SDK1: variants seen among roughly 807,000 people sequenced by gnomAD.
SDK1 encodes sidekick cell adhesion molecule 1, also known as protein sidekick-1.
SDK1 carries 157 observed loss-of-function variants against 245.5 expected under a neutral mutation model. That is an observed-to-expected ratio of 0.64 (90% CI 0.56 to 0.73). SDK1 has a LOEUF of 0.73. SDK1 is among the 30% of genes least tolerant of loss of function. SDK1 has a pLI of 0.00. For synonymous variants in SDK1, 1,647 were observed against 1,278.5 expected, an observed-to-expected ratio of 1.29 and a Z score of -6.15; for missense variants, 3,583 against 3,002.3, an observed-to-expected ratio of 1.19 and a Z score of -4.52.
At chr7:3,461,881 C>T (rs1764036596) in intron 1 of SDK1, among the ~76,000 whole-genome samples, 1 of 152,114 alleles carries the variant, frequency 6.6e-6, no homozygotes. Flanking sequence ...CATGTACTAT[C>T]AATTTATCTT....
chr7:3,352,560 G>C lies in SDK1; in HGVS notation c.298+50676G>C, dbSNP rs188281544. ...TGTGCCTGTAGTTACGTGTTCTTTG[G>C]CCAGACACCTAAGGAAATTTGAGGC... On this transcript the variant is annotated intron_variant, in intron 1 of 44. Coordinates refer to ENST00000404826, the MANE Select transcript of SDK1 (RefSeq NM_152744.4). Among the ~76,000 whole-genome samples the C allele has an allele frequency of 1.1e-3, 165 of 152,180 alleles. 2 individuals carry two copies. The highest frequency in any genetic ancestry group is 3.8e-3 in the African/African-American group (157 of 41,530).
intron 28 of SDK1, among the ~76,000 whole-genome samples, chr7:4,138,801 A>T (rs1287964008): frequency 6.6e-6 from 1 of 152,074 alleles, no homozygotes; most frequent in African/African-American, 2.4e-5. Context: ...AAGGAAAAGA[A>T]AAGAAAAGAA....
At chr7:3,613,681 A>C (rs1188234983) in intron 1 of SDK1, among the ~76,000 whole-genome samples, 1 of 152,222 alleles carries the variant, frequency 6.6e-6, no homozygotes, top group Non-Finnish European at 1.5e-5. Flanking sequence ...TTATAGAGAC[A>C]CAAAGACACA....
chr7:4,195,831 C>T (rs953291448), intron 35 of SDK1, among the ~76,000 whole-genome samples: 4 of 152,128 alleles, frequency 2.6e-5, no homozygotes, highest in East Asian at 3.9e-4. Context: ...CCCAGCCTCT[C>T]GGCAGCAGCA....
intron 3 of SDK1, among the ~76,000 whole-genome samples, chr7:3,639,870 G>A (rs1782596096): frequency 6.6e-6 from 1 of 151,814 alleles, no homozygotes; most frequent in Non-Finnish European, 1.5e-5. Flanking sequence ...ATATGTTTGA[G>A]ATAGGGTCTA....
At chr7:3,343,213 C>T (rs1583710701) in intron 1 of SDK1, among the ~76,000 whole-genome samples, 1 of 152,234 alleles carries the variant, frequency 6.6e-6, no homozygotes, top group Middle Eastern at 3.4e-3. Context: ...AAAACCTGTA[C>T]ACCAATGCTT....
At chr7:3,839,791 A>G (rs1420491311) in intron 5 of SDK1, among the ~76,000 whole-genome samples, 1 of 152,158 alleles carries the variant, frequency 6.6e-6, no homozygotes, top group Non-Finnish European at 1.5e-5. Context: ...AATAGCAATT[A>G]TGATGGATAA....
intron 4 of SDK1, among the ~76,000 whole-genome samples, chr7:3,747,297 G>A (rs544234017): frequency 1.3e-5 from 2 of 152,312 alleles, no homozygotes; most frequent in South Asian, 4.1e-4. Context: ...CAATAGGCAA[G>A]TCTTTAGAAA....
intron 1 of SDK1, among the ~76,000 whole-genome samples, chr7:3,562,847 C>T (rs929649449): frequency 5.8e-4 from 36 of 62,478 alleles, no homozygotes; most frequent in African/African-American, 2.6e-3. Context: ...ATATAAAGAG[C>T]CACACTGAAA....
intron 4 of SDK1, among the ~76,000 whole-genome samples, chr7:3,670,063 T>C (rs1484921928): frequency 6.6e-6 from 1 of 152,210 alleles, no homozygotes; most frequent in Non-Finnish European, 1.5e-5. Flanking sequence ...CACATCATTG[T>C]GTGTCCACCT....
chr7:4,267,918 G>A lies in SDK1; in HGVS notation c.*2534G>A. On this transcript the variant is annotated 3_prime_UTR_variant, in exon 45 of 45. Transcript: ENST00000404826. ...CCACCTGTGCAAAGGAACAGAGCTG[G>A]ATGTTTCCAGGTAGATTTTGGCCTC... is the stretch of plus-strand genomic sequence containing the variant. 1.0e-6 allele frequency: 1 copy of A among 985,518 alleles called. No homozygotes were observed. Among genetic ancestry groups the A allele is most frequent in the Non-Finnish European group, 1.2e-6 (1 of 829,994 alleles). The allele number at this position is 985,518 out of a possible 1,614,324, so 61.0% of individuals were successfully genotyped here. A position where few individuals can be genotyped will look rare whatever the true frequency, so the allele number is the denominator to read the frequency against.
intron 32 of SDK1, among the ~76,000 whole-genome samples, chr7:4,173,690 A>G (rs897161178): frequency 4.6e-5 from 7 of 152,178 alleles, no homozygotes; most frequent in South Asian, 2.1e-4. Flanking sequence ...GCCAGCCATC[A>G]TGCGAGGGGC....
At chr7:3,796,417 G>T (rs1778961360) in intron 4 of SDK1, among the ~76,000 whole-genome samples, 1 of 152,226 alleles carries the variant, frequency 6.6e-6, no homozygotes. Context: ...CTGTTTCGCT[G>T]TTGCTTCCCT....
At chr7:3,507,858 T>G (rs953792233) in intron 1 of SDK1, among the ~76,000 whole-genome samples, 1 of 152,192 alleles carries the variant, frequency 6.6e-6, no homozygotes, top group Non-Finnish European at 1.5e-5. Context: ...TCAGTGTTGC[T>G]TTCATCCAGC....
chr7:3,780,671 C>T (rs999800178), intron 4 of SDK1, among the ~76,000 whole-genome samples: 1 of 152,158 alleles, frequency 6.6e-6, no homozygotes, highest in Non-Finnish European at 1.5e-5. Context: ...GGGGCTAGAT[C>T]AGCTTGACCC....
chr7:3,792,702 A>T (rs929041688), intron 4 of SDK1, among the ~76,000 whole-genome samples: 3 of 147,324 alleles, frequency 2.0e-5, no homozygotes, highest in Non-Finnish European at 3.0e-5. Flanking sequence ...CCATCCATCC[A>T]TCCATCCATC....
rs144820295 is a variant in SDK1 at position 3,922,531 on chromosome 7, T to G, written c.848-28392T>G. 1.9e-3 allele frequency among the ~76,000 whole-genome samples: 283 copies of G among 152,372 alleles called. 7 individuals are homozygous for G. The East Asian group carries it at 0.033, about 18-fold the overall frequency. On this transcript the variant is annotated intron_variant, in intron 5 of 44. Coordinates refer to ENST00000404826, the MANE Select transcript of SDK1 (RefSeq NM_152744.4). Reference sequence around the variant, plus strand: ...TGAGTATGGCCAGTGACTGACATCTTTAGAATATTTCTGAAACAATGTAAT... The same window carrying G: ...TGAGTATGGCCAGTGACTGACATCTGTAGAATATTTCTGAAACAATGTAAT...
intron 5 of SDK1, among the ~76,000 whole-genome samples, chr7:3,850,290 A>T (rs189945339): frequency 6.6e-6 from 1 of 152,360 alleles, no homozygotes; most frequent in Non-Finnish European, 1.5e-5. Flanking sequence ...TCATGAGAAC[A>T]TTTAAAGTAC....
chr7:4,051,854 T>A (rs770176160), intron 19 of SDK1, 24 bp downstream of exon 19: 14 of 1,589,666 alleles, frequency 8.8e-6, no homozygotes, highest in Non-Finnish European at 1.2e-5. Flanking sequence ...TCTGCGTGTC[T>A]CTTAAGTCAC....
Sources: gnomAD v4.1 joint callset for allele counts (sites outside exome capture counted in the v4.1 genomes callset) on GRCh38, gnomAD v4.1.1 for gene constraint, MANE v1.5 for transcripts, NCBI Gene and HGNC (gene_info 2026-07-23, HGNC 2026-07-21) for gene names.